The following RPH3A variants were observed in gnomAD, a reference collection of about 807,000 sequenced individuals.
RPH3A encodes rabphilin 3A, also known as rabphilin-3A.
RPH3A carries 48 observed loss-of-function variants against 102.2 expected under a neutral mutation model. The ratio of observed to expected loss-of-function variants is 0.47; its 90% CI spans 0.37 to 0.60. The LOEUF is 0.60. RPH3A is among the 20% of genes least tolerant of loss of function. RPH3A has a pLI of 0.00. For synonymous variants in RPH3A, 310 were observed against 324.3 expected (o/e 0.96, Z 0.47); for missense variants, 781 against 910.1 (o/e 0.86, Z 1.83).
At chr12:112,713,023 C>CTCTTCCTCTTCCTCTTCTTCT (rs1473414104) in intron 1 of RPH3A, among the ~76,000 whole-genome samples, 4 of 52,800 alleles carry the variant, frequency 7.6e-5, no homozygotes, top group South Asian at 1.0e-3. Context: ...CTTCCTCTTC[C>CTCTTCCTCTTCCTCTTCTTCT]TCTTCTTCTT....
intron 2 of RPH3A, among the ~76,000 whole-genome samples, chr12:112,808,148 C>T (rs536531836): frequency 6.6e-6 from 1 of 152,298 alleles, no homozygotes; most frequent in African/African-American, 2.4e-5. Context: ...GGTCATTAAA[C>T]AGCAACACCA....
chr12:112,841,875 A>C (rs1015992469), intron 4 of RPH3A: 6 of 453,456 alleles, frequency 1.3e-5, no homozygotes, highest in Admixed American at 1.2e-4. Flanking sequence ...CAGCTAGGTT[A>C]GTTGGTCTCT....
At chr12:112,737,174 T>TAA (rs1200168212) in intron 1 of RPH3A, among the ~76,000 whole-genome samples, 1 of 131,078 alleles carries the variant, frequency 7.6e-6, no homozygotes, top group African/African-American at 2.8e-5. Context: ...AAAAACAAAA[T>TAA]AAAAAAAAAA....
At chr12:112,603,965 C>T (rs952938461) in intron 1 of RPH3A, among the ~76,000 whole-genome samples, 2 of 152,204 alleles carry the variant, frequency 1.3e-5, no homozygotes, top group Admixed American at 6.5e-5. Flanking sequence ...ACACATTAAC[C>T]AGGCAACTGG....
intron 2 of RPH3A, among the ~76,000 whole-genome samples, chr12:112,798,201 G>A (rs1032865838): frequency 6.6e-6 from 1 of 152,178 alleles, no homozygotes; most frequent in Non-Finnish European, 1.5e-5. Context: ...TCCATCCAGT[G>A]AGCAAGATAA....
chr12:112,590,556 G>A (rs1278165126), intron 1 of RPH3A, among the ~76,000 whole-genome samples: 1 of 152,192 alleles, frequency 6.6e-6, no homozygotes, highest in Non-Finnish European at 1.5e-5. Flanking sequence ...ATGGCTCATG[G>A]GGTGACTCAG....
At chr12:112,674,438 T>C (rs2040158244) in intron 1 of RPH3A, among the ~76,000 whole-genome samples, 1 of 152,192 alleles carries the variant, frequency 6.6e-6, no homozygotes, top group Non-Finnish European at 1.5e-5. Flanking sequence ...CTTGTACAAT[T>C]AGTGGATTTT....
At chr12:112,686,773 T>G (rs1293039957) in intron 1 of RPH3A, among the ~76,000 whole-genome samples, 1 of 152,192 alleles carries the variant, frequency 6.6e-6, no homozygotes, top group Non-Finnish European at 1.5e-5. Context: ...GTTTTGGGGA[T>G]GTACTATGCA....
intron 14 of RPH3A, among the ~76,000 whole-genome samples, chr12:112,880,282 A>G (rs1405521469): frequency 6.6e-6 from 1 of 152,242 alleles, no homozygotes; most frequent in Non-Finnish European, 1.5e-5. Context: ...CCAAGTATGT[A>G]TCAGGATTTA....
intron 1 of RPH3A, among the ~76,000 whole-genome samples, chr12:112,606,435 G>A (rs2039597478): frequency 6.6e-6 from 1 of 152,108 alleles, no homozygotes; most frequent in Non-Finnish European, 1.5e-5. Flanking sequence ...AGGCTGGAGT[G>A]CAGTGGCGCC....
intron 16 of RPH3A, among the ~76,000 whole-genome samples, chr12:112,885,113 G>A (rs2042983467): frequency 6.6e-6 from 1 of 152,188 alleles, no homozygotes; most frequent in East Asian, 1.9e-4. Flanking sequence ...CCAGTTTACT[G>A]TTGATGTATT....
chr12:112,686,280 C>T (rs1429640915), intron 1 of RPH3A, among the ~76,000 whole-genome samples: 1 of 152,170 alleles, frequency 6.6e-6, no homozygotes, highest in Non-Finnish European at 1.5e-5. Context: ...TCCCCCTTCT[C>T]TATCACATGT....
chr12:112,847,667 C>A, intron 4 of RPH3A, 29 bp from the exon 5 acceptor site: 2 of 1,610,726 alleles, frequency 1.2e-6, no homozygotes, highest in Non-Finnish European at 1.7e-6. Context: ...TTTCTGCCCA[C>A]CCTCACACCT....
At chr12:112,684,238 C>T (rs1316588153) in intron 1 of RPH3A, among the ~76,000 whole-genome samples, 1 of 151,994 alleles carries the variant, frequency 6.6e-6, no homozygotes, top group African/African-American at 2.4e-5. Context: ...ATGAGAATAT[C>T]TATTTTTATT....
intron 10 of RPH3A, 117 bp downstream of exon 10, chr12:112,870,156 G>C: frequency 9.8e-7 from 1 of 1,020,540 alleles, no homozygotes; most frequent in Non-Finnish European, 1.4e-6. Context: ...CCTACTGTGT[G>C]CCGTGTTCTA....
In RPH3A at chr12:112,751,108, A is replaced by G. The variant is rs114339013; in HGVS notation, c.-139-41035A>G. Among the ~76,000 whole-genome samples the G allele has an allele frequency of 4.7e-3, 710 of 152,318 alleles. 8 individuals are homozygous for G. The highest frequency in any genetic ancestry group is 0.016 in the African/African-American group (685 of 41,560). ...CTTCCTTAGGACTTTTGGTTATTTG[A>G]GCCAATGAATCACTTTATTATTTAA... On this transcript the variant is annotated intron_variant, in intron 1 of 21. Coordinates refer to the RPH3A transcript ENST00000543106.
intron 2 of RPH3A, among the ~76,000 whole-genome samples, chr12:112,798,281 C>A (rs1259865398): frequency 2.0e-5 from 3 of 152,188 alleles, no homozygotes; most frequent in African/African-American, 7.2e-5. Flanking sequence ...CATCTGACAG[C>A]ATCATAATGA....
intron 2 of RPH3A, among the ~76,000 whole-genome samples, chr12:112,805,180 A>C (rs929130394): frequency 1.3e-5 from 2 of 152,240 alleles, no homozygotes; most frequent in Non-Finnish European, 2.9e-5. Flanking sequence ...GTAAATAAAA[A>C]CAACAACAAT....
In RPH3A at chr12:112,598,091, A is replaced by C. The variant is rs187573913; in HGVS notation, c.-140+22772A>C. Among the ~76,000 whole-genome samples, 606 of 152,358 alleles carry C rather than the reference A, an allele frequency of 4.0e-3. 6 individuals carry two copies. Among genetic ancestry groups the C allele is most frequent in the African/African-American group, 0.013 (553 of 41,584 alleles). On this transcript the variant is annotated intron_variant, in intron 1 of 21. Coordinates refer to the RPH3A transcript ENST00000543106. Reference sequence around the variant, plus strand: ...TAATTCCATGAAGCACTAGTAGGGCACCACAGTTGCTGAGGGCAACCGTGC... The same window carrying C: ...TAATTCCATGAAGCACTAGTAGGGCCCCACAGTTGCTGAGGGCAACCGTGC...
Sources: gnomAD v4.1 joint callset for allele counts (sites outside exome capture counted in the v4.1 genomes callset) on GRCh38, gnomAD v4.1.1 for gene constraint, MANE v1.5 for transcripts, NCBI Gene and HGNC (gene_info 2026-07-23, HGNC 2026-07-21) for gene names.